Variants in FRYL observed in about 807,000 individuals in gnomAD.
FRYL encodes protein furry homolog-like.
Under a neutral mutation model 351.2 loss-of-function variants are expected in FRYL, and 150 were observed. The observed-to-expected ratio is 0.43, with a 90% CI of 0.37 to 0.49. The LOEUF (loss-of-function observed/expected upper bound fraction) is 0.49, where lower values mean the gene tolerates loss of function less well. Among genes scored for constraint, FRYL ranks in the 20% least tolerant of loss-of-function variants. The pLI is 0.00. For missense variants in FRYL, 3,036 were observed against 3,619.3 expected (o/e 0.84, Z 4.13); for synonymous variants, 1,153 against 1,257.1 (o/e 0.92, Z 1.75).
At chr4:48,535,461 G>A (rs1035014951) in intron 48 of FRYL, among the ~76,000 whole-genome samples, 196 bp downstream of exon 48, 2 of 151,836 alleles carry the variant, frequency 1.3e-5, no homozygotes, top group African/African-American at 2.4e-5. Context: ...TTAAAAAATT[G>A]TTAACTATGT....
intron 9 of FRYL, 28 bp from the exon 10 acceptor site, chr4:48,606,634 A>AT: frequency 6.5e-7 from 1 of 1,543,440 alleles, no homozygotes; most frequent in Non-Finnish European, 8.8e-7. Flanking sequence ...ACATCATTTG[A>AT]TTTGAATTAA....
intron 27 of FRYL, among the ~76,000 whole-genome samples, chr4:48,569,980 T>C (rs1261622076): frequency 1.3e-5 from 2 of 151,966 alleles, no homozygotes; most frequent in African/African-American, 2.4e-5. Flanking sequence ...TCCTGGCTGA[T>C]TGTTTGCGTT....
intron 1 of FRYL, among the ~76,000 whole-genome samples, chr4:48,760,529 T>TTTTG (rs376112258): frequency 6.6e-6 from 1 of 152,170 alleles, no homozygotes; most frequent in Non-Finnish European, 1.5e-5. Flanking sequence ...CCTTGTGTTT[T>TTTTG]TTTGTTTGTT....
intron 13 of FRYL, among the ~76,000 whole-genome samples, chr4:48,599,642 G>C (rs953851948): frequency 6.6e-6 from 1 of 152,130 alleles, no homozygotes; most frequent in African/African-American, 2.4e-5. Context: ...TGGTGGACTA[G>C]AAGAGCAAGA....
chr4:48,621,721 C>T (rs1386338619), intron 5 of FRYL, among the ~76,000 whole-genome samples: 1 of 152,084 alleles, frequency 6.6e-6, no homozygotes, highest in Non-Finnish European at 1.5e-5. Context: ...TAAATTGATA[C>T]CTCTGTAAAT....
At position 48,610,707 on chromosome 4, in the gene FRYL, T is replaced by TATATATTATATAC. The variant is rs1264374660; in HGVS notation, c.412-897_412-885dup. The stretch of plus-strand genomic sequence containing the variant: ...ATATTATATACATATATTATATACA[T>TATATATTATATAC]ATATATTATATACATATATTATATA... On this transcript the variant is annotated intron_variant, in intron 7 of 63. Coordinates refer to ENST00000358350, the MANE Select transcript of FRYL (RefSeq NM_015030.2). Among the ~76,000 whole-genome samples the TATATATTATATAC allele has an allele frequency of 4.6e-4, 67 of 144,520 alleles. 1 individual carries two copies. The South Asian group carries it at 5.4e-3, about 12-fold the overall frequency. The allele number at this position is 144,520 out of a possible 152,430, so 94.8% of individuals were successfully genotyped here.
chr4:48,561,251 C>G (rs560450567), intron 33 of FRYL, among the ~76,000 whole-genome samples: 1 of 152,092 alleles, frequency 6.6e-6, no homozygotes, highest in Non-Finnish European at 1.5e-5. Context: ...AAGGGAAGGT[C>G]AGGTATAAAA....
chr4:48,704,522 A>C (rs966673958), intron 2 of FRYL, among the ~76,000 whole-genome samples: 8 of 152,078 alleles, frequency 5.3e-5, no homozygotes, highest in African/African-American at 1.9e-4. Flanking sequence ...AACAACAACA[A>C]CACCACAAGG....
At position 48,567,320 on chromosome 4, in the gene FRYL, C is replaced by G; in HGVS notation, c.3097G>C (p.Asp1033His). Reference sequence around the variant, plus strand: ...CGTATATCCTTCAGTGTGTCAGAGTCTTTTTCATTTTCTGCTTCCAGGAGT... The same window carrying G: ...CGTATATCCTTCAGTGTGTCAGAGTGTTTTTCATTTTCTGCTTCCAGGAGT... ...RQLLEAENEKDSDTLKDIRCH... is the reference protein window; with the variant it reads ...RQLLEAENEKHSDTLKDIRCH... The change falls in exon 28 of 64, where the codon GAC becomes CAC. Residue 1033 changes from aspartate to histidine, a missense_variant. Physicochemically the swap from Asp to His is moderately conservative, Grantham distance 81. Transcript: ENST00000358350. This position sits in a 1 kb window ranked among gnomAD's most constrained non-coding sequence, Gnocchi z 4.2. 6 of 1,613,028 alleles carry G rather than the reference C, an allele frequency of 3.7e-6. No individual in the cohort carries two copies. Among genetic ancestry groups the G allele is most frequent in the Non-Finnish European group, 4.2e-6 (5 of 1,179,478 alleles).
chr4:48,617,679 G>C (rs1176117287), intron 7 of FRYL: 1 of 152,314 alleles, frequency 6.6e-6, no homozygotes, highest in Non-Finnish European at 1.5e-5. Context: ...GAGGGGAAGA[G>C]GACAGGGAGG....
chr4:48,631,708 C>T (rs796982598), intron 4 of FRYL, among the ~76,000 whole-genome samples: 43 of 151,878 alleles, frequency 2.8e-4, no homozygotes, highest in African/African-American at 9.9e-4. Context: ...CAGTAAAATA[C>T]ATATTCATTT....
chr4:48,755,587 A>G lies in FRYL; in HGVS notation c.-384+24491T>C, dbSNP rs541584580. 3.3e-5 allele frequency among the ~76,000 whole-genome samples: 5 copies of G among 152,248 alleles called. No homozygotes were observed. The South Asian group carries it at 1.0e-3, about 32-fold the overall frequency. On this transcript the variant is annotated intron_variant, in intron 1 of 63. Transcript: ENST00000358350. The stretch of plus-strand genomic sequence containing the variant: ...CTGAAATCCAGTTATACTGTACCTT[A>G]TATGTTCTCCTGACCCACACTCTAA...
intron 3 of FRYL, among the ~76,000 whole-genome samples, chr4:48,676,714 C>A (rs542127471): frequency 2.1e-3 from 316 of 152,304 alleles, no homozygotes; most frequent in Non-Finnish European, 3.7e-3. Flanking sequence ...TTTAAAGTGA[C>A]AGAAGAAACT....
chr4:48,685,914 C>T (rs1488154431), intron 2 of FRYL, among the ~76,000 whole-genome samples: 23 of 152,152 alleles, frequency 1.5e-4, no homozygotes, highest in African/African-American at 4.8e-4. Context: ...CCACCACGCC[C>T]GGCTAATTTT....
intron 1 of FRYL, among the ~76,000 whole-genome samples, chr4:48,718,137 A>T (rs1769072689): frequency 6.6e-6 from 1 of 151,546 alleles, no homozygotes; most frequent in African/African-American, 2.4e-5. Flanking sequence ...CCAATAACAG[A>T]GTTGCATCCT....
At chr4:48,510,731 C>T (rs1371406421) in intron 58 of FRYL, 104 bp downstream of exon 58, 26 of 893,656 alleles carry the variant, frequency 2.9e-5, no homozygotes, top group South Asian at 5.9e-5. Flanking sequence ...GTTGAAAATA[C>T]GAACCTTTAT....
intron 15 of FRYL, among the ~76,000 whole-genome samples, chr4:48,594,426 A>C (rs1336993484): frequency 6.6e-6 from 1 of 152,154 alleles, no homozygotes; most frequent in Non-Finnish European, 1.5e-5. Context: ...TTAACTAATT[A>C]GATTAACTGC....
intron 27 of FRYL, among the ~76,000 whole-genome samples, chr4:48,568,120 C>A (rs1737243867): frequency 6.6e-6 from 1 of 152,150 alleles, no homozygotes; most frequent in Admixed American, 6.6e-5. Flanking sequence ...CAAAAATTTG[C>A]CGGGCATGGT....
At chr4:48,502,970 C>T (rs1720049819) in intron 60 of FRYL, 125 bp from the exon 61 acceptor site, 3 of 640,378 alleles carry the variant, frequency 4.7e-6, no homozygotes, top group East Asian at 3.0e-5. Flanking sequence ...TATATTTATA[C>T]CCCAAAGAAA....
Sources: gnomAD v4.1 joint callset for allele counts (sites outside exome capture counted in the v4.1 genomes callset) on GRCh38, gnomAD v4.1.1 for gene constraint, Gnocchi (gnomAD v3.1) non-coding constraint, MANE v1.5 for transcripts, NCBI Gene and HGNC (gene_info 2026-07-23, HGNC 2026-07-21) for gene names.